JAZF1: variants seen among roughly 807,000 people sequenced by gnomAD.
JAZF1 encodes JAZF zinc finger 1.
Under a neutral mutation model 26.4 loss-of-function variants are expected in JAZF1, and 8 were observed. The observed-to-expected ratio is 0.30, with a 90% CI of 0.18 to 0.55. JAZF1 has a LOEUF of 0.55. JAZF1 is among the 20% of genes least tolerant of loss of function. The pLI, the probability that JAZF1 is intolerant of heterozygous loss-of-function variation, is 0.94. For missense variants in JAZF1, 199 were observed against 322.0 expected (o/e 0.62, Z 2.92); for synonymous variants, 126 against 122.3 (o/e 1.03, Z -0.20).
chr7:28,017,985 G>A (rs1477096599), intron 1 of JAZF1, among the ~76,000 whole-genome samples: 1 of 152,208 alleles, frequency 6.6e-6, no homozygotes, highest in African/African-American at 2.4e-5. Flanking sequence ...ATGTTGGTCA[G>A]TCTGGTCTCG....
At chr7:27,833,005 A>C (rs559947510) in intron 4 of JAZF1, 29 bp from the exon 5 acceptor site, 1 of 1,505,950 alleles carries the variant, frequency 6.6e-7, no homozygotes, top group South Asian at 1.3e-5. Flanking sequence ...TATTTATTAC[A>C]TGGATTCACA....
intron 2 of JAZF1, among the ~76,000 whole-genome samples, chr7:27,991,652 T>C (rs568398108): frequency 1.2e-4 from 18 of 152,200 alleles, no homozygotes; most frequent in Non-Finnish European, 2.6e-4. Flanking sequence ...AAAGAGCATA[T>C]TCTAACTCTG....
chr7:27,914,865 G>T lies in JAZF1; in HGVS notation c.189-19449C>A, dbSNP rs1005848261. Reference sequence around the variant, plus strand: ...CCATGCACTGGGCTCCTCTGTTCTAGAACCTCCCTCTAGTGTGCTCATAGG... The same window carrying T: ...CCATGCACTGGGCTCCTCTGTTCTATAACCTCCCTCTAGTGTGCTCATAGG... On this transcript the variant is annotated intron_variant, in intron 2 of 4. Coordinates refer to ENST00000283928, the MANE Select transcript of JAZF1 (RefSeq NM_175061.4). 27 of 470,880 alleles carry T rather than the reference G, an allele frequency of 5.7e-5. 1 individual carries two copies. The highest frequency in any genetic ancestry group is 4.4e-4 in the African/African-American group (22 of 50,068). The allele number at this position is 470,880 out of a possible 1,614,324, so 29.2% of individuals were successfully genotyped here. A position where few individuals can be genotyped will look rare whatever the true frequency, so the allele number is the denominator to read the frequency against.
chr7:27,957,752 C>G (rs7801863), intron 2 of JAZF1, among the ~76,000 whole-genome samples: 4,414 of 152,244 alleles, frequency 0.029, 235 homozygotes, highest in African/African-American at 0.1. Context: ...CTTAATAGAA[C>G]AGAGTGCACA....
intron 3 of JAZF1, among the ~76,000 whole-genome samples, chr7:27,872,152 G>A (rs531080902): frequency 2.6e-5 from 4 of 152,260 alleles, no homozygotes; most frequent in South Asian, 2.1e-4. Context: ...ATGAACAGCC[G>A]TCTGTTCCAC....
intron 2 of JAZF1, among the ~76,000 whole-genome samples, chr7:27,990,283 G>A (rs536964487): frequency 7.2e-5 from 11 of 152,266 alleles, no homozygotes; most frequent in East Asian, 1.9e-4. Context: ...AGAGCCTGTC[G>A]CGAGGTGGGG....
chr7:27,850,596 C>T (rs1235492545), intron 3 of JAZF1, among the ~76,000 whole-genome samples: 2 of 152,164 alleles, frequency 1.3e-5, no homozygotes, highest in African/African-American at 2.4e-5. Context: ...GTTGAATGAA[C>T]GAATGAGTGA....
intron 1 of JAZF1, among the ~76,000 whole-genome samples, chr7:27,997,619 A>G (rs1056844707): frequency 6.6e-6 from 1 of 152,156 alleles, no homozygotes; most frequent in Admixed American, 6.5e-5. Context: ...GCTGGAGTGC[A>G]ATGGTGGAAT....
At chr7:27,857,941 G>A (rs915948112) in intron 3 of JAZF1, among the ~76,000 whole-genome samples, 3 of 152,202 alleles carry the variant, frequency 2.0e-5, no homozygotes, top group Non-Finnish European at 4.4e-5. Flanking sequence ...CAAATAGGAA[G>A]AGAGGAAGTC....
At chr7:28,141,348 T>C (rs745584969) in intron 1 of JAZF1, among the ~76,000 whole-genome samples, 2 of 152,212 alleles carry the variant, frequency 1.3e-5, no homozygotes, top group African/African-American at 2.4e-5. Context: ...TCTGAGAACT[T>C]GCCCTAAGTT....
At chr7:27,887,572 T>G (rs1783889868) in intron 3 of JAZF1, among the ~76,000 whole-genome samples, 1 of 152,026 alleles carries the variant, frequency 6.6e-6, no homozygotes, top group Non-Finnish European at 1.5e-5. Flanking sequence ...CGCACCAACA[T>G]GCCTGGCTAA....
chr7:28,158,349 G>A, intron 1 of JAZF1, among the ~76,000 whole-genome samples: 1 of 152,302 alleles, frequency 6.6e-6, no homozygotes, highest in African/African-American at 2.4e-5. Context: ...GGGCTTTCCA[G>A]TAAGCCCTTT....
intron 3 of JAZF1, among the ~76,000 whole-genome samples, chr7:27,855,229 T>C (rs925167019): frequency 2.0e-5 from 3 of 152,120 alleles, no homozygotes; most frequent in African/African-American, 7.2e-5. Context: ...TAAAGCAGTG[T>C]GTAGAGGGAA....
intron 1 of JAZF1, among the ~76,000 whole-genome samples, chr7:28,110,521 A>AAAGGAAAGGG (rs1784635463): frequency 5.0e-5 from 3 of 60,228 alleles, no homozygotes; most frequent in African/African-American, 1.7e-4. Flanking sequence ...AAGGAAAAGG[A>AAAGGAAAGGG]AAAGGAAAAG....
intron 1 of JAZF1, among the ~76,000 whole-genome samples, chr7:28,178,196 C>T (rs1783576396): frequency 6.6e-6 from 1 of 152,050 alleles, no homozygotes; most frequent in South Asian, 2.1e-4. Context: ...TTTTAGAAAA[C>T]GTATCAAACT....
chr7:28,133,650 T>A (rs1463421928), intron 1 of JAZF1, among the ~76,000 whole-genome samples: 1 of 152,162 alleles, frequency 6.6e-6, no homozygotes, highest in Non-Finnish European at 1.5e-5. Flanking sequence ...CTGTCCACTG[T>A]CATAATTCTT....
At chr7:28,071,816 C>T (rs989485072) in intron 1 of JAZF1, 12 of 345,262 alleles carry the variant, frequency 3.5e-5, no homozygotes, top group East Asian at 1.6e-4. Flanking sequence ...TATTACTGCT[C>T]GGGTTCAGGA....
At chr7:27,964,401 A>G (rs966413457) in intron 2 of JAZF1, among the ~76,000 whole-genome samples, 8 of 152,152 alleles carry the variant, frequency 5.3e-5, no homozygotes, top group Non-Finnish European at 1.0e-4. Context: ...TTATGTGGCC[A>G]CTAAAACAGT....
At chr7:28,113,487 C>T (rs1784695267) in intron 1 of JAZF1, among the ~76,000 whole-genome samples, 1 of 152,120 alleles carries the variant, frequency 6.6e-6, no homozygotes, top group Admixed American at 6.5e-5. Context: ...TGACCTTGGG[C>T]GTTCTCACCT....
Sources: gnomAD v4.1 joint callset for allele counts (sites outside exome capture counted in the v4.1 genomes callset) on GRCh38, gnomAD v4.1.1 for gene constraint, MANE v1.5 for transcripts, NCBI Gene and HGNC (gene_info 2026-07-23, HGNC 2026-07-21) for gene names.